TMEM131L: variants seen among roughly 807,000 people sequenced by gnomAD.
The protein encoded by TMEM131L is transmembrane 131 like.
In TMEM131L, 54 loss-of-function variants were observed where a neutral mutation model predicts 192.2. The observed-to-expected ratio is 0.28, with a 90% CI of 0.23 to 0.35. The LOEUF (loss-of-function observed/expected upper bound fraction) is 0.35, where lower values mean the gene tolerates loss of function less well. Among genes scored for constraint, TMEM131L ranks in the 10% least tolerant of loss-of-function variants. TMEM131L has a pLI of 1.00. For synonymous variants in TMEM131L, 701 were observed against 704.9 expected, an observed-to-expected ratio of 0.99 and a Z score of 0.09; for missense variants, 1,888 against 1,972.9, an observed-to-expected ratio of 0.96 and a Z score of 0.82.
At chr4:153,507,924 A>G (rs932608694) in intron 3 of TMEM131L, among the ~76,000 whole-genome samples, 3 of 152,216 alleles carry the variant, frequency 2.0e-5, no homozygotes, top group Non-Finnish European at 2.9e-5. Context: ...TTTGAAACAC[A>G]TAGAATGGAT....
At chr4:153,599,043 AT>A (rs1339605355) in intron 21 of TMEM131L, among the ~76,000 whole-genome samples, 9 of 139,630 alleles carry the variant, frequency 6.4e-5, no homozygotes, top group Non-Finnish European at 1.2e-4. Flanking sequence ...AAACTGGGTA[AT>A]TTATGAACAA....
intron 6 of TMEM131L, 130 bp downstream of exon 6, chr4:153,557,212 G>A: frequency 1.6e-6 from 1 of 630,878 alleles, no homozygotes; most frequent in Admixed American, 3.1e-5. Flanking sequence ...AAGACTGTTA[G>A]TGATGTTAAA....
At chr4:153,472,447 C>T (rs566147225) in intron 2 of TMEM131L, among the ~76,000 whole-genome samples, 1 of 152,224 alleles carries the variant, frequency 6.6e-6, no homozygotes, top group African/African-American at 2.4e-5. Flanking sequence ...AGTTAAGAAA[C>T]AGCTGGCTTG....
chr4:153,489,804 A>G (rs17030049), intron 3 of TMEM131L, among the ~76,000 whole-genome samples: 13,536 of 151,838 alleles, frequency 0.089, 1,659 homozygotes, highest in African/African-American at 0.28. Flanking sequence ...GCGGAAAATA[A>G]GTGGGCAGAT....
At chr4:153,623,511 T>C (rs1264340884) in intron 29 of TMEM131L, among the ~76,000 whole-genome samples, 1 of 152,170 alleles carries the variant, frequency 6.6e-6, no homozygotes, top group African/African-American at 2.4e-5. Context: ...TCTGCATTGC[T>C]CCCTCCCTGT....
chr4:153,622,269 GAC>G (rs1281115472), intron 28 of TMEM131L, among the ~76,000 whole-genome samples: 1 of 152,164 alleles, frequency 6.6e-6, no homozygotes, highest in Non-Finnish European at 1.5e-5. Flanking sequence ...TAGGCAGAGG[GAC>G]ACCCAGTGCT....
intron 3 of TMEM131L, among the ~76,000 whole-genome samples, chr4:153,486,391 T>G (rs547645515): frequency 6.6e-6 from 1 of 152,372 alleles, no homozygotes; most frequent in Non-Finnish European, 1.5e-5. Context: ...GGAGCTGTCC[T>G]GTCAGCTTGC....
chr4:153,467,129 G>T, intron 1 of TMEM131L, 82 bp from the exon 2 acceptor site: 2 of 1,325,270 alleles, frequency 1.5e-6, no homozygotes, highest in Non-Finnish European at 2.1e-6. Flanking sequence ...GAGGCGGGGG[G>T]CACGGAGGGA....
At chr4:153,476,595 G>C (rs1271629422) in intron 3 of TMEM131L, among the ~76,000 whole-genome samples, 2 of 152,234 alleles carry the variant, frequency 1.3e-5, no homozygotes, top group East Asian at 3.9e-4. Context: ...TACTCGGGAG[G>C]CTGAGGCAGG....
At chr4:153,543,580 C>T (rs1182571219) in intron 3 of TMEM131L, among the ~76,000 whole-genome samples, 8 of 152,278 alleles carry the variant, frequency 5.3e-5, no homozygotes, top group African/African-American at 9.6e-5. Flanking sequence ...TGGCATGCAT[C>T]GGTATAGACA....
At chr4:153,562,111 C>G (rs1289819286) in intron 7 of TMEM131L, among the ~76,000 whole-genome samples, 1 of 150,878 alleles carries the variant, frequency 6.6e-6, no homozygotes, top group Non-Finnish European at 1.5e-5. Flanking sequence ...GATCTCAGCT[C>G]ACTGCAACCT....
intron 3 of TMEM131L, among the ~76,000 whole-genome samples, chr4:153,534,773 G>C (rs894054382): frequency 6.6e-6 from 1 of 152,154 alleles, no homozygotes; most frequent in Non-Finnish European, 1.5e-5. Flanking sequence ...AGTTTGCCAT[G>C]AGGCTGTCTG....
intron 2 of TMEM131L, among the ~76,000 whole-genome samples, chr4:153,468,205 T>A (rs566039924): frequency 3.3e-5 from 5 of 152,326 alleles, no homozygotes; most frequent in African/African-American, 9.6e-5. Flanking sequence ...ATTTCAGTTT[T>A]CTCCCTCCTA....
intron 7 of TMEM131L, among the ~76,000 whole-genome samples, chr4:153,561,522 C>G (rs28379256): frequency 0.082 from 12,498 of 152,218 alleles, 1,506 homozygotes; most frequent in African/African-American, 0.26. Context: ...GACCCATCCT[C>G]ACTTTAAGTT....
At chr4:153,469,560 A>G (rs1190194559) in intron 2 of TMEM131L, among the ~76,000 whole-genome samples, 1 of 152,220 alleles carries the variant, frequency 6.6e-6, no homozygotes, top group Non-Finnish European at 1.5e-5. Context: ...TCATGCAGGA[A>G]GACTGAAAGA....
chr4:153,582,420 G>GTTTTTTTGTT (rs1730402406), intron 9 of TMEM131L, among the ~76,000 whole-genome samples: 4 of 81,844 alleles, frequency 4.9e-5, no homozygotes, highest in African/African-American at 2.2e-4. Context: ...AATTTAAACC[G>GTTTTTTTGTT]TTTTTTTTTG....
At chr4:153,529,490 G>T (rs944918244) in intron 3 of TMEM131L, among the ~76,000 whole-genome samples, 22 of 152,172 alleles carry the variant, frequency 1.4e-4, no homozygotes, top group Non-Finnish European at 2.5e-4. Flanking sequence ...TCTTTATTTA[G>T]AAATAGATAC....
intron 3 of TMEM131L, among the ~76,000 whole-genome samples, chr4:153,490,680 G>T (rs535563413): frequency 6.6e-6 from 1 of 152,092 alleles, no homozygotes; most frequent in Non-Finnish European, 1.5e-5. Context: ...GAGCGGCCGG[G>T]CGTGGGGGCT....
At chr4:153,469,361 A>G (rs1292305607) in intron 2 of TMEM131L, among the ~76,000 whole-genome samples, 1 of 146,766 alleles carries the variant, frequency 6.8e-6, no homozygotes, top group Non-Finnish European at 1.5e-5. Flanking sequence ...GTGTGTATAT[A>G]TATCTCATAA....
Sources: gnomAD v4.1 joint callset for allele counts (sites outside exome capture counted in the v4.1 genomes callset) on GRCh38, gnomAD v4.1.1 for gene constraint, MANE v1.5 for transcripts, NCBI Gene and HGNC (gene_info 2026-07-23, HGNC 2026-07-21) for gene names.